The following ENTHD1 variants were observed in gnomAD, a reference collection of about 807,000 sequenced individuals.
ENTHD1 encodes the protein ENTH domain-containing protein 1.
In ENTHD1, 23 loss-of-function variants were observed where a neutral mutation model predicts 39.1. That is an observed-to-expected ratio of 0.59 (90% CI 0.42 to 0.83). The LOEUF (loss-of-function observed/expected upper bound fraction) is 0.83, where lower values mean the gene tolerates loss of function less well. Ranked by LOEUF, ENTHD1 falls within the 40% of genes least tolerant of loss-of-function variation. The pLI, the probability that ENTHD1 is intolerant of heterozygous loss-of-function variation, is 0.00. For synonymous variants in ENTHD1, 230 were observed against 258.2 expected (o/e 0.89, Z 1.05); for missense variants, 624 against 705.4 (o/e 0.88, Z 1.31).
chr22:39,835,972 A>G lies in ENTHD1; in HGVS notation c.593-14T>C. On this transcript the variant is annotated splice_polypyrimidine_tract_variant and intron_variant, in intron 3 of 6. Coordinates refer to ENST00000325157, the MANE Select transcript of ENTHD1 (RefSeq NM_152512.4). ...TGCACACATTTCCTGTCAACAATATAAAGCTTAAGATTTTACTTTGGCAAA... is the reference window on the plus strand; with the variant it reads ...TGCACACATTTCCTGTCAACAATATGAAGCTTAAGATTTTACTTTGGCAAA... 1 of 1,578,022 alleles carries G rather than the reference A, an allele frequency of 6.3e-7. No individual in the cohort carries two copies. The highest frequency in any genetic ancestry group is 2.3e-5 in the East Asian group (1 of 44,044).
chr22:39,878,862 G>A (rs973807152), intron 2 of ENTHD1, among the ~76,000 whole-genome samples: 2 of 151,980 alleles, frequency 1.3e-5, no homozygotes, highest in African/African-American at 4.8e-5. Flanking sequence ...TTATGTATAA[G>A]CAAAATAAGT....
intron 5 of ENTHD1, among the ~76,000 whole-genome samples, chr22:39,774,308 C>T (rs988514531): frequency 5.9e-5 from 9 of 152,098 alleles, no homozygotes; most frequent in Middle Eastern, 3.2e-3. Flanking sequence ...AGGATGATGT[C>T]ATCTATTATT....
intron 5 of ENTHD1, among the ~76,000 whole-genome samples, chr22:39,772,319 C>T (rs988144408): frequency 6.6e-6 from 1 of 152,176 alleles, no homozygotes; most frequent in African/African-American, 2.4e-5. Flanking sequence ...CTTCTCACCT[C>T]CTGCTGTGCG....
rs569317923 is a variant in ENTHD1 at position 39,881,096 on chromosome 22, G to A, written c.349+6304C>T. On this transcript the variant is annotated intron_variant, in intron 2 of 6. Coordinates refer to ENST00000325157, the MANE Select transcript of ENTHD1 (RefSeq NM_152512.4). ...TTGAGAATGCCACTTGTTACAAAGT[G>A]CAGTAAACATGCTTGCTAATAAAAG... is the stretch of plus-strand genomic sequence containing the variant. 1.6e-4 allele frequency among the ~76,000 whole-genome samples: 24 copies of A among 152,312 alleles called. No homozygotes were observed. The East Asian group carries it at 3.5e-3, about 22-fold the overall frequency.
intron 3 of ENTHD1, among the ~76,000 whole-genome samples, chr22:39,846,005 C>T (rs78943183): frequency 6.6e-6 from 1 of 151,778 alleles, no homozygotes; most frequent in Non-Finnish European, 1.5e-5. Context: ...GAACAGAGAG[C>T]CCAGAAATAA....
rs865895592 is a variant in ENTHD1 at position 39,794,820 on chromosome 22, A to G, written c.832+26173T>C. ...CTCCATCTCAAAAAAAAAAAAAAAA[A>G]GTGGCATCCTTTTCTTGTTCCAGTT... is the stretch of plus-strand genomic sequence containing the variant. On this transcript the variant is annotated intron_variant, in intron 5 of 6. Transcript: ENST00000325157. Among the ~76,000 whole-genome samples, 11 of 151,586 alleles carry G rather than the reference A, an allele frequency of 7.3e-5. No individual in the cohort carries two copies. In the Middle Eastern group the frequency reaches 0.01, roughly 141 times the overall value.
At chr22:39,778,252 A>G (rs1057263528) in intron 5 of ENTHD1, among the ~76,000 whole-genome samples, 1 of 152,172 alleles carries the variant, frequency 6.6e-6, no homozygotes, top group African/African-American at 2.4e-5. Context: ...TCAACAAACC[A>G]GGTGCTCTCC....
At chr22:39,817,525 G>A (rs769120981) in intron 5 of ENTHD1, among the ~76,000 whole-genome samples, 2 of 152,134 alleles carry the variant, frequency 1.3e-5, no homozygotes, top group South Asian at 2.1e-4. Context: ...AAAGGTACAC[G>A]TATGTATGTA....
chr22:39,814,461 G>A (rs1276725261), intron 5 of ENTHD1, among the ~76,000 whole-genome samples: 1 of 151,800 alleles, frequency 6.6e-6, no homozygotes. Flanking sequence ...CCTTGTCTCA[G>A]GGAAAAAAAA....
At chr22:39,777,403 TG>T (rs1191651733) in intron 5 of ENTHD1, among the ~76,000 whole-genome samples, 1 of 152,224 alleles carries the variant, frequency 6.6e-6, no homozygotes, top group Non-Finnish European at 1.5e-5. Flanking sequence ...TGTGTGCGTG[TG>T]TGTGTGTGTA....
chr22:39,865,026 C>T (rs2066172310), intron 2 of ENTHD1, among the ~76,000 whole-genome samples: 1 of 152,208 alleles, frequency 6.6e-6, no homozygotes, highest in Non-Finnish European at 1.5e-5. Context: ...TACAACTTAG[C>T]TGCCTAAGAC....
chr22:39,805,967 C>A (rs542682374), intron 5 of ENTHD1, among the ~76,000 whole-genome samples: 20 of 152,288 alleles, frequency 1.3e-4, no homozygotes, highest in African/African-American at 4.8e-4. Flanking sequence ...TCTCCAACCA[C>A]CTCTTCTAAG....
chr22:39,799,871 C>G (rs184413648), intron 5 of ENTHD1, among the ~76,000 whole-genome samples: 1 of 152,310 alleles, frequency 6.6e-6, no homozygotes, highest in East Asian at 1.9e-4. Flanking sequence ...CTGCTGCAAC[C>G]TTCTGGGTAG....
chr22:39,891,921 C>CA (rs200586839), intron 1 of ENTHD1, among the ~76,000 whole-genome samples: 1 of 151,554 alleles, frequency 6.6e-6, no homozygotes, highest in African/African-American at 2.4e-5. Context: ...TGCTTGGCCT[C>CA]AAAAAAAATT....
intron 5 of ENTHD1, among the ~76,000 whole-genome samples, chr22:39,799,067 G>A (rs564968685): frequency 1.7e-4 from 26 of 152,294 alleles, no homozygotes; most frequent in African/African-American, 5.3e-4. Flanking sequence ...GCTAGGCCAC[G>A]CAGGCTTGTT....
intron 6 of ENTHD1, chr22:39,750,166 TG>T: frequency 4.8e-6 from 1 of 209,274 alleles, no homozygotes; most frequent in Non-Finnish European, 1.0e-5. Context: ...TTTGCTGATT[TG>T]GGAAAATAAA....
rs1555940780 is a variant in ENTHD1, at chr22:39,857,471, A to AAAAAAAAAT, written c.592+4293_592+4294insATTTTTTTT. Among the ~76,000 whole-genome samples, 9 of 118,574 alleles carry AAAAAAAAAT rather than the reference A, an allele frequency of 7.6e-5. 1 individual carries two copies. The highest frequency in any genetic ancestry group is 2.5e-4 in the East Asian group (1 of 3,932). 77.8% of individuals were successfully genotyped at this position (118,574 alleles called of 152,430 possible). Reference sequence around the variant, plus strand: ...AAAAAAAAAAAAAAAAAAAAAAAAAAGCAATCTGTGACTACAAAACAATAA... The same window carrying AAAAAAAAAT: ...AAAAAAAAAAAAAAAAAAAAAAAAAAAAAAAAAATGCAATCTGTGACTACAAAACAATAA... On this transcript the variant is annotated intron_variant, in intron 3 of 6. Coordinates refer to ENST00000325157, the MANE Select transcript of ENTHD1 (RefSeq NM_152512.4).
At chr22:39,837,645 A>C (rs999389484) in intron 3 of ENTHD1, among the ~76,000 whole-genome samples, 2 of 152,228 alleles carry the variant, frequency 1.3e-5, no homozygotes, top group African/African-American at 4.8e-5. Context: ...GTATTCTGAT[A>C]TATTACAGTA....
chr22:39,768,128 G>A (rs2065292348), intron 5 of ENTHD1, among the ~76,000 whole-genome samples: 1 of 152,126 alleles, frequency 6.6e-6, no homozygotes, highest in African/African-American at 2.4e-5. Context: ...GTTGTACCAG[G>A]TTTCTCTTCC....
Sources: allele counts gnomAD v4.1 joint callset (sites outside exome capture counted in the v4.1 genomes callset), GRCh38; gene constraint gnomAD v4.1.1; transcripts MANE v1.5; gene names NCBI Gene and HGNC (gene_info 2026-07-23, HGNC 2026-07-21).